HYDIN: variants seen among roughly 807,000 people sequenced by gnomAD.
The protein encoded by HYDIN is axonemal central pair apparatus protein HYDIN.
In HYDIN, 132 loss-of-function variants were observed where a neutral mutation model predicts 403.9. The observed-to-expected ratio is 0.33, with a 90% CI of 0.28 to 0.38. The LOEUF (loss-of-function observed/expected upper bound fraction) is 0.38, where lower values mean the gene tolerates loss of function less well. Among genes scored for constraint, HYDIN ranks in the 10% least tolerant of loss-of-function variants. The probability of loss-of-function intolerance (pLI) is 1.00; values close to 1 mark genes in which losing one functional copy is unlikely to be tolerated. For missense variants in HYDIN, 2,827 were observed against 5,009.5 expected (o/e 0.56, Z 13.15); for synonymous variants, 1,202 against 1,891.7 (o/e 0.64, Z 9.46).
intron 65 of HYDIN, among the ~76,000 whole-genome samples, chr16:70,871,002 G>A (rs1254375797): frequency 6.6e-6 from 1 of 152,210 alleles, no homozygotes; most frequent in African/African-American, 2.4e-5. Flanking sequence ...CTGCACTCCA[G>A]CCTGGGTGAC....
At chr16:71,129,406 G>A (rs1181127605) in intron 9 of HYDIN, among the ~76,000 whole-genome samples, 4 of 152,206 alleles carry the variant, frequency 2.6e-5, no homozygotes, top group Non-Finnish European at 4.4e-5. Context: ...ATAATCCCTA[G>A]GAAGTGGTTA....
intron 77 of HYDIN, among the ~76,000 whole-genome samples, chr16:70,837,214 T>C (rs1037950867): frequency 5.3e-5 from 8 of 152,198 alleles, no homozygotes; most frequent in African/African-American, 1.9e-4. Context: ...CATCCAGGGA[T>C]CTGTGGCTGG....
At chr16:71,196,048 G>C (rs935884166) in intron 1 of HYDIN, among the ~76,000 whole-genome samples, 1 of 152,144 alleles carries the variant, frequency 6.6e-6, no homozygotes, top group African/African-American at 2.4e-5. Flanking sequence ...TTATTTGTGA[G>C]CCCCAATTTA....
intron 83 of HYDIN, among the ~76,000 whole-genome samples, chr16:70,825,010 T>A (rs951701805): frequency 6.6e-6 from 1 of 152,030 alleles, no homozygotes; most frequent in African/African-American, 2.4e-5. Flanking sequence ...CCAGCCCACC[T>A]TGGCCTCCCA....
At chr16:70,951,212 G>T (rs936357304) in intron 41 of HYDIN, among the ~76,000 whole-genome samples, 7 of 151,640 alleles carry the variant, frequency 4.6e-5, no homozygotes, top group African/African-American at 1.5e-4. Flanking sequence ...TCCAGCCTGG[G>T]TGACACAGTG....
At chr16:71,187,936 G>A (rs182737651) in intron 1 of HYDIN, among the ~76,000 whole-genome samples, 141 of 152,264 alleles carry the variant, frequency 9.3e-4, no homozygotes, top group Non-Finnish European at 1.5e-3. Context: ...AGAGAATAAA[G>A]TAATGGAATG....
chr16:70,913,232 G>C (rs113865667), intron 47 of HYDIN, among the ~76,000 whole-genome samples: 5,192 of 151,754 alleles, frequency 0.034, 285 homozygotes, highest in African/African-American at 0.12. Context: ...CCTTAGATTG[G>C]CAGTTAGTGC....
At chr16:71,198,456 T>C (rs1319190986) in intron 1 of HYDIN, among the ~76,000 whole-genome samples, 1 of 152,166 alleles carries the variant, frequency 6.6e-6, no homozygotes, top group Non-Finnish European at 1.5e-5. Flanking sequence ...CTCCCCCATC[T>C]CTTGCTTGTA....
chr16:70,892,767 G>C (rs1372821352), intron 55 of HYDIN, among the ~76,000 whole-genome samples: 1 of 152,190 alleles, frequency 6.6e-6, no homozygotes, highest in Non-Finnish European at 1.5e-5. Context: ...GTCAAGAGAG[G>C]CCATTGCAGG....
intron 41 of HYDIN, among the ~76,000 whole-genome samples, chr16:70,946,965 T>C (rs1343305686): frequency 1.3e-5 from 2 of 152,162 alleles, no homozygotes; most frequent in Non-Finnish European, 2.9e-5. Flanking sequence ...TTTCTAGATA[T>C]ACAATCATGT....
chr16:71,153,023 T>C lies in HYDIN; in HGVS notation c.717-240A>G, dbSNP rs562077991. 1.0e-3 allele frequency: 402 copies of C among 396,712 alleles called. 2 individuals carry two copies. Among genetic ancestry groups the C allele is most frequent in the African/African-American group, 7.3e-3 (360 of 49,170 alleles). 24.6% of individuals were successfully genotyped at this position (396,712 alleles called of 1,614,324 possible). Reference sequence around the variant, plus strand: ...TTAAACAATGCAACAATATTCTTGTTTGTGTCCTTGCCATTCAGCCCTGCT... The same window carrying C: ...TTAAACAATGCAACAATATTCTTGTCTGTGTCCTTGCCATTCAGCCCTGCT... On this transcript the variant is annotated intron_variant, in intron 6 of 85. Transcript: ENST00000393567.
chr16:71,062,017 T>C (rs1597679794), intron 17 of HYDIN, 152 bp downstream of exon 17: 1 of 636,438 alleles, frequency 1.6e-6, no homozygotes, highest in South Asian at 2.0e-5. Context: ...ATAGCACCGG[T>C]ATTTTACCAT....
chr16:71,178,861 C>A (rs1021976164), intron 4 of HYDIN, 67 bp downstream of exon 4: 3 of 1,336,774 alleles, frequency 2.2e-6, no homozygotes, highest in Non-Finnish European at 3.1e-6. Context: ...CCCTCAAGAT[C>A]TCATTTTACT....
chr16:70,971,990 A>C (rs2143986154), intron 35 of HYDIN, among the ~76,000 whole-genome samples: 2 of 152,256 alleles, frequency 1.3e-5, no homozygotes, highest in East Asian at 3.9e-4. Context: ...ATTGGTGGAA[A>C]CATTTTACTA....
intron 84 of HYDIN, among the ~76,000 whole-genome samples, chr16:70,816,306 T>C (rs538792829): frequency 6.6e-6 from 1 of 152,162 alleles, no homozygotes; most frequent in Non-Finnish European, 1.5e-5. Flanking sequence ...AAAATCCACA[T>C]GTTCAGAAAT....
chr16:70,888,628 T>C (rs1391424537), intron 58 of HYDIN, among the ~76,000 whole-genome samples: 1 of 151,360 alleles, frequency 6.6e-6, no homozygotes, highest in Non-Finnish European at 1.5e-5. Context: ...GTGGACGTCA[T>C]GGTTCCCCAT....
chr16:71,057,185 T>C (rs6499412), intron 18 of HYDIN, among the ~76,000 whole-genome samples: 1,749 of 126,298 alleles, frequency 0.014, 15 homozygotes, highest in African/African-American at 0.05. Context: ...ACCAAACACA[T>C]CAATTAACTA....
intron 76 of HYDIN, among the ~76,000 whole-genome samples, chr16:70,839,609 T>C (rs1226342097): frequency 6.6e-6 from 1 of 151,834 alleles, no homozygotes; most frequent in Non-Finnish European, 1.5e-5. Flanking sequence ...TCTATCTCAT[T>C]AGGTCTTGAA....
intron 42 of HYDIN, 94 bp downstream of exon 42, chr16:70,943,718 G>A (rs1005136994): frequency 1.3e-5 from 20 of 1,494,568 alleles, no homozygotes; most frequent in African/African-American, 1.1e-4. Context: ...CCGAGCTGCC[G>A]TGGGTGGCTG....
Sources: allele counts gnomAD v4.1 joint callset (sites outside exome capture counted in the v4.1 genomes callset), GRCh38; gene constraint gnomAD v4.1.1; transcripts MANE v1.5; gene names NCBI Gene and HGNC (gene_info 2026-07-23, HGNC 2026-07-21).